RPAP1: variants seen among roughly 807,000 people sequenced by gnomAD.
RPAP1 encodes the protein RNA polymerase II associated protein 1, also known as RNA polymerase II-associated protein 1.
A neutral mutation model predicts 142.4 loss-of-function variants in RPAP1; 109 were observed. That is an observed-to-expected ratio of 0.77 (90% CI 0.66 to 0.90). RPAP1 has a LOEUF of 0.90. Ranked by LOEUF, RPAP1 falls within the 40% of genes least tolerant of loss-of-function variation. RPAP1 has a pLI of 0.00. For synonymous variants in RPAP1, 704 were observed against 738.9 expected, an observed-to-expected ratio of 0.95 and a Z score of 0.77; for missense variants, 1,546 against 1,751.7, an observed-to-expected ratio of 0.88 and a Z score of 2.10.
chr15:41,526,269 G>A (rs879311627), intron 14 of RPAP1, among the ~76,000 whole-genome samples: 4 of 151,974 alleles, frequency 2.6e-5, no homozygotes, highest in Non-Finnish European at 5.9e-5. Flanking sequence ...TTTTTGAGAC[G>A]GGGTCTCGCC....
At chr15:41,525,981 G>A (rs1040123055) in intron 14 of RPAP1, among the ~76,000 whole-genome samples, 35 of 151,822 alleles carry the variant, frequency 2.3e-4, no homozygotes, top group African/African-American at 7.5e-4. Flanking sequence ...ATGGAATCTT[G>A]CTCTGCCACC....
chr15:41,521,245 A>G (rs1453474844), intron 21 of RPAP1, 98 bp from the exon 22 acceptor site: 17 of 1,220,590 alleles, frequency 1.4e-5, no homozygotes, highest in Non-Finnish European at 1.8e-5. Flanking sequence ...CTAGGTCCAG[A>G]CCTGTGCCTC....
rs528960056 is a variant in RPAP1 at position 41,523,134 on chromosome 15, G to A, written c.2546+111C>T. 11 of 956,008 alleles carry A rather than the reference G, an allele frequency of 1.2e-5. No individual in the cohort carries two copies. In the South Asian group the frequency reaches 1.6e-4, roughly 14 times the overall value. 59.2% of individuals were successfully genotyped at this position (956,008 alleles called of 1,614,324 possible). On this transcript the variant is annotated intron_variant, in intron 18 of 24. Transcript: ENST00000304330. ...CCTGCTAGGGACTCGGGTTTCCCTC[G>A]GGCCGAGGGCCTGCACCCTGGGATG...
rs1162406742 is a variant in RPAP1, at chr15:41,531,641, T to A, written c.764-439A>T. On this transcript the variant is annotated intron_variant, in intron 6 of 24. Coordinates refer to ENST00000304330, the MANE Select transcript of RPAP1 (RefSeq NM_015540.4). ...TATATATATATATTTTTTTTTTTTTTTTTTTTTTTTTTTTTTTGAGACGGA... is the reference window on the plus strand; with the variant it reads ...TATATATATATATTTTTTTTTTTTTATTTTTTTTTTTTTTTTTGAGACGGA... Among the ~76,000 whole-genome samples the A allele has an allele frequency of 1.1e-3, 91 of 80,008 alleles. 2 individuals are homozygous for A. The highest frequency in any genetic ancestry group is 2.6e-3 in the South Asian group (7 of 2,654). 52.5% of individuals were successfully genotyped at this position (80,008 alleles called of 152,430 possible).
Position 41,524,106 on chromosome 15 carries a change from CAGCAG to C in RPAP1, c.2219_2223del (p.Pro740ArgfsTer5). On this transcript the variant is annotated frameshift_variant, in exon 16 of 25. Transcript: ENST00000304330. LOFTEE classifies it high-confidence loss of function. ...CTGGCTATAAACTACCTGATGGTTT[CAGCAG>C]GGGTACTGCCGGCTGCCAGGGTTAG... is the stretch of plus-strand genomic sequence containing the variant. 1 of 1,590,298 alleles carries C rather than the reference CAGCAG, an allele frequency of 6.3e-7. No homozygotes were observed. Among genetic ancestry groups the C allele is most frequent in the Non-Finnish European group, 8.6e-7 (1 of 1,166,594 alleles).
intron 1 of RPAP1, among the ~76,000 whole-genome samples, chr15:41,541,737 C>T (rs2051974187): frequency 6.6e-6 from 1 of 152,112 alleles, no homozygotes; most frequent in Admixed American, 6.6e-5. Context: ...GTCCCAGCTA[C>T]TGGGGAGGCT....
intron 23 of RPAP1, 49 bp from the exon 24 acceptor site, chr15:41,517,906 A>G: frequency 6.2e-7 from 1 of 1,613,642 alleles, no homozygotes; most frequent in Non-Finnish European, 8.5e-7. Context: ...GCTGGTACCC[A>G]CCACTGGCCT....
intron 1 of RPAP1, 90 bp downstream of exon 1, chr15:41,544,129 C>T (rs1174071494): frequency 1.3e-5 from 2 of 152,338 alleles, no homozygotes; most frequent in African/African-American, 4.8e-5. Flanking sequence ...CAAAGGCCCG[C>T]AGGCAGGTTC....
intron 16 of RPAP1, 43 bp downstream of exon 16, chr15:41,524,053 G>A (rs772991180): frequency 1.2e-6 from 2 of 1,600,518 alleles, no homozygotes; most frequent in South Asian, 2.2e-5. Context: ...CAGCCCTGTG[G>A]AGGAGCCCTC....
At chr15:41,531,627 ATTTTTTTTTTT>A (rs150550154) in intron 6 of RPAP1, among the ~76,000 whole-genome samples, 2 of 22,024 alleles carry the variant, frequency 9.1e-5, no homozygotes, top group East Asian at 1.7e-3. Flanking sequence ...ATATATATAT[ATTTTTTTTTTT>A]TTTTTTTTTT....
At chr15:41,525,820 A>G (rs771223561) in intron 14 of RPAP1, among the ~76,000 whole-genome samples, 2 of 150,942 alleles carry the variant, frequency 1.3e-5, no homozygotes, top group Non-Finnish European at 2.9e-5. Context: ...ACGCCTGGCT[A>G]ATTTTTTGTA....
At position 41,517,444 on chromosome 15, in the gene RPAP1, G is replaced by T; in HGVS notation, c.*98C>A. 2.5e-6 allele frequency: 3 copies of T among 1,195,436 alleles called. No homozygotes were observed. The highest frequency in any genetic ancestry group is 3.5e-6 in the Non-Finnish European group (3 of 858,546). The allele number at this position is 1,195,436 out of a possible 1,614,324, so 74.1% of individuals were successfully genotyped here. A position where few individuals can be genotyped will look rare whatever the true frequency, so the allele number is the denominator to read the frequency against. On this transcript the variant is annotated 3_prime_UTR_variant, in exon 25 of 25. Coordinates refer to ENST00000304330, the MANE Select transcript of RPAP1 (RefSeq NM_015540.4). ...CAAGCCTTCTGCTCCTTGGTCTCCT[G>T]CCTACCATTAGGACACAATGTTCTT...
rs761870651 is a variant in RPAP1, at chr15:41,531,026, G to C, written c.940C>G (p.Pro314Ala). ...RKRDKLEPEA[P>A]ALALPVTPQK... ...ATGACCCCCGCCTCCTGCAAACCTG[G>C]GGCTTCTGGCTCCAGCTTGTCTCTC... Residue 314 changes from proline (P) to alanine (A), a missense_variant, in exon 7 of 25, where the codon CCA becomes GCA. By Grantham distance (27) the Pro-to-Ala change is conservative. This residue lies in a region of RPAP1 where 1,333 missense variants were observed against 1,486.6 expected (regional missense o/e 0.90). Transcript: ENST00000304330. 1 of 1,609,468 alleles carries C rather than the reference G, an allele frequency of 6.2e-7. No homozygotes were observed. The highest frequency in any genetic ancestry group is 8.5e-7 in the Non-Finnish European group (1 of 1,176,314).
rs1400043462 is a variant in RPAP1 at position 41,517,811 on chromosome 15, A to G, written c.4019T>C (p.Leu1340Pro). 6.2e-7 allele frequency: 1 copy of G among 1,614,156 alleles called. No homozygotes were observed. The highest frequency in any genetic ancestry group is 8.5e-7 in the Non-Finnish European group (1 of 1,180,020). The stretch of plus-strand genomic sequence containing the variant: ...CCCTGACCCTACCTCATCTGCCAGC[A>G]GCCATGTTTTCTGCAGCATACTCCT... ...ARRSMLQKTW[L>P]LADEGLRQHL... The change falls in exon 24 of 25, where the codon CTG (leucine) becomes CCG (proline). Residue 1340 changes from leucine to proline, a missense_variant. Coordinates refer to ENST00000304330, the MANE Select transcript of RPAP1 (RefSeq NM_015540.4).
In RPAP1 at chr15:41,527,251, C is replaced by T. The variant is rs1338429544; in HGVS notation, c.1662G>A (p.Val554=). The change falls in exon 13 of 25, where the codon GTG becomes GTA. Residue 554 remains valine, a synonymous_variant. Coordinates refer to ENST00000304330, the MANE Select transcript of RPAP1 (RefSeq NM_015540.4). ...LLPRLRYVLE[V]TYPGPAVVLD... ...GGACCACCGCAGGTCCTGGGTATGT[C>T]ACCTCCAGCACGTAGCGCAGCCGAG... 2 of 1,614,106 alleles carry T rather than the reference C, an allele frequency of 1.2e-6. No individual in the cohort carries two copies. The highest frequency in any genetic ancestry group is 1.3e-5 in the African/African-American group (1 of 74,940).
intron 7 of RPAP1, 21 bp downstream of exon 7, chr15:41,531,002 T>C: frequency 6.3e-7 from 1 of 1,592,436 alleles, no homozygotes. Flanking sequence ...CACCAAAATA[T>C]GACCCCCGCC....
At chr15:41,540,388 G>T (rs571127770) in intron 1 of RPAP1, among the ~76,000 whole-genome samples, 1 of 149,630 alleles carries the variant, frequency 6.7e-6, no homozygotes, top group Non-Finnish European at 1.5e-5. Flanking sequence ...TGCAACCTCC[G>T]CCTCCCAGGT....
chr15:41,536,080 G>A (rs762113685), intron 4 of RPAP1, 49 bp downstream of exon 4: 2 of 1,398,538 alleles, frequency 1.4e-6, no homozygotes, highest in South Asian at 2.3e-5. Flanking sequence ...TGCACTATGA[G>A]ACTCACCTGT....
chr15:41,520,029 G>C, intron 22 of RPAP1: 1 of 264,672 alleles, frequency 3.8e-6, no homozygotes, highest in Non-Finnish European at 7.4e-6. Context: ...CGCTTCCCGG[G>C]TTCAAGCGAT....
Sources: gnomAD v4.1 joint callset for allele counts (sites outside exome capture counted in the v4.1 genomes callset) on GRCh38, gnomAD v4.1.1 for gene constraint, gnomAD v4.1.1 regional missense constraint, MANE v1.5 for transcripts, NCBI Gene and HGNC (gene_info 2026-07-23, HGNC 2026-07-21) for gene names.